PDE7A: variants seen among roughly 807,000 people sequenced by gnomAD.
PDE7A encodes phosphodiesterase 7A.
PDE7A carries 39 observed loss-of-function variants against 64.3 expected under a neutral mutation model. The ratio of observed to expected loss-of-function variants is 0.61; its 90% CI spans 0.47 to 0.79. PDE7A has a LOEUF of 0.79. PDE7A is among the 30% of genes least tolerant of loss of function. PDE7A has a pLI of 0.00. For synonymous variants in PDE7A, 203 were observed against 206.8 expected (o/e 0.98, Z 0.16); for missense variants, 470 against 582.8 (o/e 0.81, Z 1.99).
At chr8:65,812,619 A>G (rs1810283102) in intron 1 of PDE7A, among the ~76,000 whole-genome samples, 1 of 152,228 alleles carries the variant, frequency 6.6e-6, no homozygotes, top group South Asian at 2.1e-4. Context: ...ACTACCATAA[A>G]AAGTCAAAAG....
At chr8:65,731,215 A>G (rs1411356801) in intron 7 of PDE7A, among the ~76,000 whole-genome samples, 2 of 152,176 alleles carry the variant, frequency 1.3e-5, no homozygotes, top group Non-Finnish European at 2.9e-5. Flanking sequence ...GTCACTAGCA[A>G]TTAGCATCTA....
At chr8:65,812,064 C>T (rs1362934785) in intron 1 of PDE7A, among the ~76,000 whole-genome samples, 1 of 151,836 alleles carries the variant, frequency 6.6e-6, no homozygotes, top group Non-Finnish European at 1.5e-5. Flanking sequence ...AAAAATTAGC[C>T]AGGAGAGTGG....
intron 7 of PDE7A, among the ~76,000 whole-genome samples, chr8:65,733,586 C>T (rs1585841043): frequency 6.6e-6 from 1 of 151,988 alleles, no homozygotes; most frequent in Non-Finnish European, 1.5e-5. Flanking sequence ...CGCCACTGCA[C>T]TCCAGCCTGG....
intron 1 of PDE7A, among the ~76,000 whole-genome samples, chr8:65,787,198 A>C (rs1809582207): frequency 6.6e-6 from 1 of 152,198 alleles, no homozygotes; most frequent in African/African-American, 2.4e-5. Context: ...TAATATATTA[A>C]CTAACACTTG....
chr8:65,726,846 C>A, intron 9 of PDE7A, 29 bp downstream of exon 9: 2 of 1,220,454 alleles, frequency 1.6e-6, no homozygotes, highest in South Asian at 1.3e-5. Flanking sequence ...TAACCAGTAA[C>A]AAATTAAATT....
intron 3 of PDE7A, among the ~76,000 whole-genome samples, chr8:65,758,429 A>G (rs1397690775): frequency 1.3e-5 from 2 of 152,214 alleles, no homozygotes; most frequent in Admixed American, 1.3e-4. Flanking sequence ...TACAGTTGTT[A>G]TACTAGTGCA....
intron 3 of PDE7A, among the ~76,000 whole-genome samples, chr8:65,759,862 T>A (rs1338686375): frequency 1.3e-5 from 2 of 151,480 alleles, no homozygotes; most frequent in African/African-American, 4.8e-5. Flanking sequence ...TACTCTAGAT[T>A]TTTTTTTTAA....
At chr8:65,744,465 G>C (rs1807582172) in intron 5 of PDE7A, among the ~76,000 whole-genome samples, 1 of 152,086 alleles carries the variant, frequency 6.6e-6, no homozygotes, top group Non-Finnish European at 1.5e-5. Context: ...ACATGTTTCT[G>C]TCCGCAAAGA....
rs113053464 is a variant in PDE7A, at chr8:65,792,022, T to C, written c.139-9179A>G. ...ACTATAAAATCTCTTTTACCATAAA[T>C]ATTATGCTTATAACTTAGATAATTC... On this transcript the variant is annotated intron_variant, in intron 1 of 12. Coordinates refer to ENST00000401827, the MANE Select transcript of PDE7A (RefSeq NM_001242318.3). 9.0e-3 allele frequency among the ~76,000 whole-genome samples: 1,371 copies of C among 152,250 alleles called. 19 individuals carry two copies. The highest frequency in any genetic ancestry group is 0.031 in the African/African-American group (1,306 of 41,570).
intron 1 of PDE7A, among the ~76,000 whole-genome samples, chr8:65,834,242 G>T (rs183819764): frequency 3.9e-4 from 60 of 152,140 alleles, no homozygotes; most frequent in African/African-American, 1.3e-3. Context: ...CCTTTACAAC[G>T]ATCCACCTCC....
intron 3 of PDE7A, among the ~76,000 whole-genome samples, chr8:65,772,396 G>A (rs577332559): frequency 1.3e-5 from 2 of 152,286 alleles, no homozygotes; most frequent in East Asian, 3.9e-4. Flanking sequence ...TACCTCTGAA[G>A]GTTTAAACAC....
At chr8:65,783,311 CCAT>C (rs1809466856) in intron 1 of PDE7A, among the ~76,000 whole-genome samples, 1 of 152,208 alleles carries the variant, frequency 6.6e-6, no homozygotes, top group African/African-American at 2.4e-5. Context: ...CAAAGGCTCT[CCAT>C]CACACTTGGG....
chr8:65,751,237 GT>G (rs1021145186), intron 3 of PDE7A, among the ~76,000 whole-genome samples: 15 of 152,152 alleles, frequency 9.9e-5, no homozygotes, highest in Admixed American at 3.3e-4. Context: ...CTACCTCAAA[GT>G]TTTGTCTAAG....
intron 3 of PDE7A, among the ~76,000 whole-genome samples, chr8:65,751,066 G>A (rs1489392057): frequency 6.6e-6 from 1 of 152,128 alleles, no homozygotes; most frequent in Non-Finnish European, 1.5e-5. Flanking sequence ...ATTAAGAAAG[G>A]ACATGGAGCC....
intron 1 of PDE7A, among the ~76,000 whole-genome samples, chr8:65,784,939 C>T (rs985344126): frequency 1.3e-5 from 2 of 151,914 alleles, no homozygotes; most frequent in Non-Finnish European, 2.9e-5. Flanking sequence ...AAAACTCTGG[C>T]ATGGGATTTA....
chr8:65,745,676 A>C (rs1056060302), intron 4 of PDE7A, among the ~76,000 whole-genome samples: 1 of 152,238 alleles, frequency 6.6e-6, no homozygotes, highest in Non-Finnish European at 1.5e-5. Context: ...ATGAAACATT[A>C]TTTTGTTTTT....
chr8:65,794,155 CTG>C (rs1809775524), intron 1 of PDE7A, among the ~76,000 whole-genome samples: 2 of 152,122 alleles, frequency 1.3e-5, no homozygotes, highest in African/African-American at 2.4e-5. Flanking sequence ...ACTCACAACT[CTG>C]TGAAATGAAA....
chr8:65,768,062 C>A (rs1393671735), intron 3 of PDE7A, among the ~76,000 whole-genome samples: 1 of 152,094 alleles, frequency 6.6e-6, no homozygotes, highest in Non-Finnish European at 1.5e-5. Context: ...TTAGAGGACA[C>A]CCAGTTGGTG....
chr8:65,818,824 T>A (rs1810474160), intron 1 of PDE7A, among the ~76,000 whole-genome samples: 1 of 152,178 alleles, frequency 6.6e-6, no homozygotes, highest in African/African-American at 2.4e-5. Context: ...GAGCCCCTGG[T>A]CTTCCCTTGT....
Sources: gnomAD v4.1 joint callset for allele counts (sites outside exome capture counted in the v4.1 genomes callset) on GRCh38, gnomAD v4.1.1 for gene constraint, MANE v1.5 for transcripts, NCBI Gene and HGNC (gene_info 2026-07-23, HGNC 2026-07-21) for gene names.